Variants in HEPHL1 observed in about 807,000 individuals in gnomAD.
HEPHL1 encodes hephaestin like 1.
Under a neutral mutation model 122.0 loss-of-function variants are expected in HEPHL1, and 123 were observed. The ratio of observed to expected loss-of-function variants is 1.01; its 90% CI spans 0.87 to 1.17. The LOEUF is 1.17. Ranked by LOEUF, HEPHL1 falls within the 50% of genes most tolerant of loss-of-function variation. HEPHL1 has a pLI of 0.00. For missense variants in HEPHL1, 1,452 were observed against 1,430.5 expected (o/e 1.01, Z -0.24); for synonymous variants, 527 against 508.9 (o/e 1.04, Z -0.48).
chr11:94,048,479 C>G (rs1167888857), intron 2 of HEPHL1, among the ~76,000 whole-genome samples: 1 of 152,050 alleles, frequency 6.6e-6, no homozygotes, highest in Non-Finnish European at 1.5e-5. Context: ...CCTGCCTCAC[C>G]CTCCCAAGTA....
At chr11:94,047,329 A>G (rs1426935257) in intron 2 of HEPHL1, among the ~76,000 whole-genome samples, 1 of 152,156 alleles carries the variant, frequency 6.6e-6, no homozygotes, top group Non-Finnish European at 1.5e-5. Context: ...AGTCCCCATT[A>G]GTTATTTTTC....
chr11:94,085,269 A>G (rs1946207408), intron 10 of HEPHL1, among the ~76,000 whole-genome samples: 2 of 152,216 alleles, frequency 1.3e-5, no homozygotes, highest in African/African-American at 2.4e-5. Flanking sequence ...TCAAAGATAA[A>G]AACAATTTGC....
At chr11:94,060,538 C>T (rs149254765) in intron 2 of HEPHL1, among the ~76,000 whole-genome samples, 62 of 152,190 alleles carry the variant, frequency 4.1e-4, no homozygotes, top group African/African-American at 1.4e-3. Context: ...ATTATCACCA[C>T]CTAACAGATA....
intron 1 of HEPHL1, among the ~76,000 whole-genome samples, chr11:94,037,670 G>A (rs950409110): frequency 3.3e-5 from 5 of 152,218 alleles, no homozygotes; most frequent in Non-Finnish European, 4.4e-5. Flanking sequence ...CTGTCTGTTA[G>A]AAGGAAAAAT....
At chr11:94,069,726 A>T (rs1333600261) in intron 5 of HEPHL1, among the ~76,000 whole-genome samples, 2 of 152,090 alleles carry the variant, frequency 1.3e-5, no homozygotes, top group African/African-American at 4.8e-5. Context: ...GTTTCCCACC[A>T]ATTTTTTTGC....
At chr11:94,072,287 G>C (rs1448831108) in intron 6 of HEPHL1, among the ~76,000 whole-genome samples, 1 of 152,094 alleles carries the variant, frequency 6.6e-6, no homozygotes, top group African/African-American at 2.4e-5. Flanking sequence ...GCTCCACCCA[G>C]TGTGATTAGG....
chr11:94,098,725 T>C (rs1043988617), intron 13 of HEPHL1, among the ~76,000 whole-genome samples: 2 of 152,238 alleles, frequency 1.3e-5, no homozygotes, highest in Non-Finnish European at 2.9e-5. Flanking sequence ...TTTACTCTTT[T>C]TTCTCTAAAC....
chr11:94,026,074 G>C (rs1462050048), intron 1 of HEPHL1, among the ~76,000 whole-genome samples: 1 of 152,120 alleles, frequency 6.6e-6, no homozygotes, highest in Non-Finnish European at 1.5e-5. Context: ...AGATATCAGG[G>C]GCTTTCTGTA....
At position 94,093,971 on chromosome 11, in the gene HEPHL1, G is replaced by GATATATATATATAT. The variant is rs201036709; in HGVS notation, c.2434+361_2434+374dup. Among the ~76,000 whole-genome samples the GATATATATATATAT allele has an allele frequency of 3.4e-3, 245 of 72,562 alleles. 7 individuals are homozygous for GATATATATATATAT. The highest frequency in any genetic ancestry group is 4.3e-3 in the Non-Finnish European group (152 of 35,296). 47.6% of individuals were successfully genotyped at this position (72,562 alleles called of 152,430 possible). On this transcript the variant is annotated intron_variant, in intron 13 of 19. Coordinates refer to ENST00000315765, the MANE Select transcript of HEPHL1 (RefSeq NM_001098672.2). ...AAATTTTCTTTTAAATCCTCCAGCAGATATATATATATATATATATATATA... is the reference window on the plus strand; with the variant it reads ...AAATTTTCTTTTAAATCCTCCAGCAGATATATATATATATATATATATATATATATATATATATA...
intron 11 of HEPHL1, 22 bp from the exon 12 acceptor site, chr11:94,088,733 T>TGCC (rs1565358960): frequency 1.3e-6 from 2 of 1,593,642 alleles, no homozygotes; most frequent in African/African-American, 2.7e-5. Context: ...CCACACTCAA[T>TGCC]GCCGAGCCAT....
Position 94,045,681 on chromosome 11 carries a change from C to G in HEPHL1, c.179C>G (p.Thr60Ser), listed in dbSNP as rs775000201. The G allele has an allele frequency of 6.2e-7, 1 of 1,602,942 alleles. No homozygotes were observed. Among genetic ancestry groups the G allele is most frequent in the Non-Finnish European group, 8.5e-7 (1 of 1,174,676 alleles). Residue 60 changes from threonine (T) to serine (S), a missense_variant, in exon 2 of 20, where the codon ACC becomes AGC. Transcript: ENST00000315765. The stretch of plus-strand genomic sequence containing the variant: ...TTTCTTCTTACTTTTAGACTTGCAA[C>G]CTTATTTCTCGAAAGAGGGCCCAAC... ...GKSFTEDKLATLFLERGPNRI... is the reference protein window; with the variant it reads ...GKSFTEDKLASLFLERGPNRI...
intron 10 of HEPHL1, among the ~76,000 whole-genome samples, chr11:94,085,261 A>T (rs1946207228): frequency 6.6e-6 from 1 of 152,196 alleles, no homozygotes; most frequent in Non-Finnish European, 1.5e-5. Context: ...GGTTGATGTC[A>T]AAGATAAAAA....
chr11:94,063,193 C>T (rs923015179), intron 2 of HEPHL1, among the ~76,000 whole-genome samples: 2 of 152,186 alleles, frequency 1.3e-5, no homozygotes, highest in Non-Finnish European at 2.9e-5. Flanking sequence ...TTGAAATCTT[C>T]CTGGTTGATA....
Position 94,069,675 on chromosome 11 carries a change from T to C in HEPHL1, c.1064-699T>C, listed in dbSNP as rs1162173280. Reference sequence around the variant, plus strand: ...ACTTCCAGTGTCCATTATAAGGAGATTACATCTTGCTTAATCAATACTCTA... The same window carrying C: ...ACTTCCAGTGTCCATTATAAGGAGACTACATCTTGCTTAATCAATACTCTA... On this transcript the variant is annotated intron_variant, in intron 5 of 19. Transcript: ENST00000315765. Among the ~76,000 whole-genome samples the C allele has an allele frequency of 6.6e-5, 10 of 152,304 alleles. No individual in the cohort carries two copies. The South Asian group carries it at 1.9e-3, about 28-fold the overall frequency.
chr11:94,049,439 G>A (rs1030810887), intron 2 of HEPHL1, among the ~76,000 whole-genome samples: 1 of 151,920 alleles, frequency 6.6e-6, no homozygotes, highest in Non-Finnish European at 1.5e-5. Flanking sequence ...ACAGTATGGA[G>A]ATTCTTCAAA....
In HEPHL1 at chr11:94,031,723, A is replaced by T. The variant is rs192141212; in HGVS notation, c.170+10185A>T. The stretch of plus-strand genomic sequence containing the variant: ...AGTCAGGCCCATCTCTGGCTTCTCC[A>T]TCGGGGGTCTAAACCCATGGGTTCC... On this transcript the variant is annotated intron_variant, in intron 1 of 19. Coordinates refer to ENST00000315765, the MANE Select transcript of HEPHL1 (RefSeq NM_001098672.2). Among the ~76,000 whole-genome samples, 167 of 152,292 alleles carry T rather than the reference A, an allele frequency of 1.1e-3. 1 individual carries two copies. Among genetic ancestry groups the T allele is most frequent in the African/African-American group, 3.8e-3 (158 of 41,574 alleles).
chr11:94,086,496 A>G (rs1946219473), intron 11 of HEPHL1, among the ~76,000 whole-genome samples: 1 of 152,180 alleles, frequency 6.6e-6, no homozygotes, highest in Non-Finnish European at 1.5e-5. Context: ...GATAAAGTGG[A>G]TATGTTTTGC....
intron 1 of HEPHL1, among the ~76,000 whole-genome samples, chr11:94,024,062 G>A (rs1331380976): frequency 1.3e-5 from 2 of 152,212 alleles, no homozygotes; most frequent in Non-Finnish European, 2.9e-5. Flanking sequence ...CGTGGATGAT[G>A]TAATCATGCC....
rs767819004 is a variant in HEPHL1, at chr11:94,111,026, G to T, written c.3169G>T (p.Ala1057Ser). 2.1e-5 allele frequency: 34 copies of T among 1,607,028 alleles called. No homozygotes were observed. The highest frequency in any genetic ancestry group is 3.3e-4 in the Middle Eastern group (2 of 6,066). ...LHCHVSDHIH[A>S]GMETTYTVLR... ...CTGTCATGTGTCTGACCACATCCATGCTGGCATGGAGACAACCTACACGGT... is the reference window on the plus strand; with the variant it reads ...CTGTCATGTGTCTGACCACATCCATTCTGGCATGGAGACAACCTACACGGT... Residue 1057 changes from alanine (A) to serine (S), a missense_variant, in exon 18 of 20, where the codon GCT becomes TCT. By Grantham distance (99) the Ala-to-Ser change is moderately conservative. Transcript: ENST00000315765.
Sources: allele counts gnomAD v4.1 joint callset (sites outside exome capture counted in the v4.1 genomes callset), GRCh38; gene constraint gnomAD v4.1.1; transcripts MANE v1.5; gene names NCBI Gene and HGNC (gene_info 2026-07-23, HGNC 2026-07-21).